MSH5: variants seen among roughly 807,000 people sequenced by gnomAD.
The protein encoded by MSH5 is mutS protein homolog 5.
A neutral mutation model predicts 107.7 loss-of-function variants in MSH5; 78 were observed. The observed-to-expected ratio is 0.72, with a 90% CI of 0.60 to 0.87. The LOEUF is 0.87. Ranked by LOEUF, MSH5 falls within the 40% of genes least tolerant of loss-of-function variation. The pLI, the probability that MSH5 is intolerant of heterozygous loss-of-function variation, is 0.00. For synonymous variants in MSH5, 326 were observed against 399.5 expected (o/e 0.82, Z 2.19); for missense variants, 889 against 1,046.6 (o/e 0.85, Z 2.08).
chr6:31,755,751 C>T (rs1168837540), intron 12 of MSH5, among the ~76,000 whole-genome samples: 1 of 152,186 alleles, frequency 6.6e-6, no homozygotes. Flanking sequence ...CTGCTTGGGC[C>T]TCCCAAAGTG....
intron 10 of MSH5, among the ~76,000 whole-genome samples, chr6:31,752,804 C>CCATTATTATGGT (rs1192052491): frequency 6.6e-6 from 1 of 151,666 alleles, no homozygotes; most frequent in Non-Finnish European, 1.5e-5. Context: ...GCAGTGTTGA[C>CCATTATTATGGT]CATTATTATG....
intron 3 of MSH5, among the ~76,000 whole-genome samples, chr6:31,742,524 C>A (rs1305546625): frequency 1.3e-5 from 2 of 152,206 alleles, no homozygotes; most frequent in African/African-American, 4.8e-5. Context: ...TCCCAAAGGG[C>A]AGGGATTATA....
Position 31,744,232 on chromosome 6 carries a change from A to G in MSH5, c.580A>G (p.Arg194Gly), listed in dbSNP as rs1426267022. ...GGLLKFLGRR[R>G]IGVELEDYNV... Reference sequence around the variant, plus strand: ...GCTGCTGAAGTTCCTGGGTCGAAGAAGAATCGGGGTTGAACTGGAAGACTA... The same window carrying G: ...GCTGCTGAAGTTCCTGGGTCGAAGAGGAATCGGGGTTGAACTGGAAGACTA... The change falls in exon 7 of 25, where the codon AGA becomes GGA. Residue 194 changes from arginine to glycine, a missense_variant. Transcript: ENST00000375750. 1.1e-5 allele frequency: 17 copies of G among 1,613,988 alleles called. No individual in the cohort carries two copies. Among genetic ancestry groups the G allele is most frequent in the Non-Finnish European group, 1.4e-5 (17 of 1,180,002 alleles).
In MSH5 at chr6:31,760,357, T is replaced by C; in HGVS notation, c.1812+141T>C. Reference sequence around the variant, plus strand: ...ATGAAAGGACCATCACCCACATCCCTGTGCTTCCACCTCACATGTTCTTAT... The same window carrying C: ...ATGAAAGGACCATCACCCACATCCCCGTGCTTCCACCTCACATGTTCTTAT... On this transcript the variant is annotated intron_variant, in intron 19 of 24. Transcript: ENST00000375750. The surrounding 1 kb of genome is among the most constrained non-coding windows in gnomAD (Gnocchi z 5.6). 8.3e-7 allele frequency: 1 copy of C among 1,207,414 alleles called. No individual in the cohort carries two copies. Among genetic ancestry groups the C allele is most frequent in the Non-Finnish European group, 1.1e-6 (1 of 877,112 alleles). The allele number at this position is 1,207,414 out of a possible 1,614,324, so 74.8% of individuals were successfully genotyped here. A position where few individuals can be genotyped will look rare whatever the true frequency, so the allele number is the denominator to read the frequency against.
Position 31,760,136 on chromosome 6 carries a change from A to G in MSH5, c.1732A>G (p.Thr578Ala). 2 of 1,610,854 alleles carry G rather than the reference A, an allele frequency of 1.2e-6. No homozygotes were observed. The highest frequency in any genetic ancestry group is 4.5e-5 in the East Asian group (2 of 44,870). The change falls in exon 19 of 25, where the codon ACA becomes GCA. Residue 578 changes from threonine (T) to alanine (A), a missense_variant. This residue lies in a region of MSH5 where 362 missense variants were observed against 456.2 expected (regional missense o/e 0.79). Transcript: ENST00000375750. The surrounding 1 kb of genome is among the most constrained non-coding windows in gnomAD (Gnocchi z 5.6). ...TGCCCGAACCTTTGTGCCCAACTCCACAGAATGTGGTGGGGACAAAGGGAG... is the reference window on the plus strand; with the variant it reads ...TGCCCGAACCTTTGTGCCCAACTCCGCAGAATGTGGTGGGGACAAAGGGAG... ...LCARTFVPNS[T>A]ECGGDKGRVK...
intron 5 of MSH5, chr6:31,743,623 T>C: frequency 2.0e-6 from 1 of 507,376 alleles, no homozygotes; most frequent in Non-Finnish European, 3.4e-6. Flanking sequence ...AATACCATTA[T>C]TTTGACCAAA....
At position 31,760,274 on chromosome 6, in the gene MSH5, A is replaced by C. The variant is rs1810872176; in HGVS notation, c.1812+58A>C. 6.6e-7 allele frequency: 1 copy of C among 1,518,784 alleles called. No homozygotes were observed. The highest frequency in any genetic ancestry group is 8.8e-7 in the Non-Finnish European group (1 of 1,137,466). 94.1% of individuals were successfully genotyped at this position (1,518,784 alleles called of 1,614,324 possible). On this transcript the variant is annotated intron_variant, in intron 19 of 24. Coordinates refer to ENST00000375750, the MANE Select transcript of MSH5 (RefSeq NM_172166.4). The surrounding 1 kb of genome is among the most constrained non-coding windows in gnomAD (Gnocchi z 5.6). ...CGTCTCCTGCATCTACTCCACCCCTACTTGCCAGCCAACTCAGGCTCCTGC... is the reference window on the plus strand; with the variant it reads ...CGTCTCCTGCATCTACTCCACCCCTCCTTGCCAGCCAACTCAGGCTCCTGC...
rs372570974 is a variant in MSH5 at position 31,759,503 on chromosome 6, G to A, written c.1486G>A (p.Glu496Lys). 15 of 1,612,400 alleles carry A rather than the reference G, an allele frequency of 9.3e-6. No individual in the cohort carries two copies. Among genetic ancestry groups the A allele is most frequent in the African/African-American group, 2.7e-5 (2 of 74,868 alleles). The change falls in exon 17 of 25, where the codon GAG becomes AAG. Residue 496 changes from glutamate to lysine, a missense_variant. Glu to Lys is a moderately conservative substitution (Grantham distance 56). Around this residue, in one of 3 missense-constraint regions of MSH5, gnomAD observed 362 missense variants for 456.2 expected, o/e 0.79. Coordinates refer to ENST00000375750, the MANE Select transcript of MSH5 (RefSeq NM_172166.4). The surrounding 1 kb of genome is among the most constrained non-coding windows in gnomAD (Gnocchi z 4.7). ...TGCATTGCTGGGGGACCTGCACTGCGAGATCCGGGGTGAGGAAAAGCCAGA... is the reference window on the plus strand; with the variant it reads ...TGCATTGCTGGGGGACCTGCACTGCAAGATCCGGGGTGAGGAAAAGCCAGA... ...LDALLGDLHC[E>K]IRDQETLLMY... is the part of the protein sequence containing the mutation.
intron 9 of MSH5, 48 bp from the exon 10 acceptor site, chr6:31,747,339 C>G: frequency 6.3e-7 from 1 of 1,599,232 alleles, no homozygotes; most frequent in South Asian, 1.1e-5. Flanking sequence ...CATTCCATTC[C>G]CTGTCCCTGC....
At position 31,755,614 on chromosome 6, in the gene MSH5, G is replaced by A. The variant is rs572019738; in HGVS notation, c.1014+1985G>A. Among the ~76,000 whole-genome samples, 25 of 152,090 alleles carry A rather than the reference G, an allele frequency of 1.6e-4. No individual in the cohort carries two copies. The East Asian group carries it at 4.3e-3, about 26-fold the overall frequency. The stretch of plus-strand genomic sequence containing the variant: ...CGACCTCAGATGATCTGCCTGCCCC[G>A]GCCTCCCAAAGTGCTGGGATTACAG... On this transcript the variant is annotated intron_variant, in intron 12 of 24. Coordinates refer to ENST00000375750, the MANE Select transcript of MSH5 (RefSeq NM_172166.4).
chr6:31,759,248 T>A lies in MSH5; in HGVS notation c.1407+71T>A. 1 of 1,442,934 alleles carries A rather than the reference T, an allele frequency of 6.9e-7. No homozygotes were observed. The highest frequency in any genetic ancestry group is 9.7e-7 in the Non-Finnish European group (1 of 1,026,310). 89.4% of individuals were successfully genotyped at this position (1,442,934 alleles called of 1,614,324 possible). A position where few individuals can be genotyped will look rare whatever the true frequency, so the allele number is the denominator to read the frequency against. On this transcript the variant is annotated intron_variant, in intron 16 of 24. Coordinates refer to ENST00000375750, the MANE Select transcript of MSH5 (RefSeq NM_172166.4). This position sits in a 1 kb window ranked among gnomAD's most constrained non-coding sequence, Gnocchi z 4.7. ...CAGCAGCTGAGGAAGAGCGTTACTC[T>A]ACAGCAGCACTGCCCAATATGGGAT...
Position 31,759,739 on chromosome 6 carries a change from CTTT to C in MSH5, c.1496-46_1496-44del. The C allele has an allele frequency of 6.3e-7, 1 of 1,598,294 alleles. No homozygotes were observed. On this transcript the variant is annotated intron_variant, in intron 17 of 24. Transcript: ENST00000375750. The surrounding 1 kb of genome is among the most constrained non-coding windows in gnomAD (Gnocchi z 4.7). ...CCTAGGGGCCTCTGCCTCTCCTTCA[CTTT>C]CCCCTGGAACTGACCTCCAGCTCCC...
At position 31,760,553 on chromosome 6, in the gene MSH5, A is replaced by T. The variant is rs1391815648; in HGVS notation, c.1813-137A>T. ...TGGTCAGGATTCGGGGAGGAGAGAC[A>T]GAGTCAGTGTGTCTGTTACCTATTT... On this transcript the variant is annotated intron_variant, in intron 19 of 24. Coordinates refer to ENST00000375750, the MANE Select transcript of MSH5 (RefSeq NM_172166.4). This position sits in a 1 kb window ranked among gnomAD's most constrained non-coding sequence, Gnocchi z 5.6. 11 of 1,163,038 alleles carry T rather than the reference A, an allele frequency of 9.5e-6. No individual in the cohort carries two copies. The highest frequency in any genetic ancestry group is 1.5e-5 in the African/African-American group (1 of 65,728). The allele number at this position is 1,163,038 out of a possible 1,614,324, so 72.0% of individuals were successfully genotyped here.
chr6:31,744,164 C>T (rs747284710), intron 6 of MSH5, 26 bp from the exon 7 acceptor site: 38 of 1,600,506 alleles, frequency 2.4e-5, no homozygotes, highest in South Asian at 3.4e-5. Flanking sequence ...AGATTTACCC[C>T]GATTCCACTG....
At chr6:31,741,918 G>C (rs543103410) in intron 3 of MSH5, among the ~76,000 whole-genome samples, 160 of 152,180 alleles carry the variant, frequency 1.1e-3, no homozygotes, top group Non-Finnish European at 2.1e-3. Flanking sequence ...GAAGAAGCAA[G>C]GGGGAGGGAG....
intron 10 of MSH5, among the ~76,000 whole-genome samples, chr6:31,750,776 A>T (rs1191814860): frequency 6.6e-6 from 1 of 152,194 alleles, no homozygotes; most frequent in African/African-American, 2.4e-5. Context: ...AACCCAAAGT[A>T]ACTGGCCACA....
At chr6:31,756,545 A>G (rs1357528195) in intron 12 of MSH5, 1 of 152,226 alleles carries the variant, frequency 6.6e-6, no homozygotes, top group Admixed American at 6.5e-5. Flanking sequence ...ATTAGCCAGA[A>G]ATTTCTGTAA....
chr6:31,742,865 TCTC>T lies in MSH5; in HGVS notation c.272-9_272-7del, dbSNP rs766441430. On this transcript the variant is annotated splice_polypyrimidine_tract_variant and intron_variant, in intron 3 of 24. Transcript: ENST00000375750. ...ATCCTTTAACTCATTTGATCTCTGT[TCTC>T]CTTCCAAGTTCTGGATGAGATCAAT... 1.4e-4 allele frequency: 226 copies of T among 1,612,598 alleles called. No homozygotes were observed. The highest frequency in any genetic ancestry group is 1.9e-4 in the Non-Finnish European group (219 of 1,179,712).
At position 31,759,037 on chromosome 6, in the gene MSH5, G is replaced by A. The variant is rs1305080955; in HGVS notation, c.1327-60G>A. On this transcript the variant is annotated intron_variant, in intron 15 of 24. Transcript: ENST00000375750. This position sits in a 1 kb window ranked among gnomAD's most constrained non-coding sequence, Gnocchi z 4.7. ...ATCTTTTAAGCTCCCTCTAGGGTGG[G>A]GAGGTGTCCAGTAAGTCTCCAAGCA... The A allele has an allele frequency of 6.6e-7, 1 of 1,513,214 alleles. No homozygotes were observed. Among genetic ancestry groups the A allele is most frequent in the Non-Finnish European group, 9.2e-7 (1 of 1,089,432 alleles). 93.7% of individuals were successfully genotyped at this position (1,513,214 alleles called of 1,614,324 possible). A position where few individuals can be genotyped will look rare whatever the true frequency, so the allele number is the denominator to read the frequency against.
Sources: gnomAD v4.1 joint callset for allele counts (sites outside exome capture counted in the v4.1 genomes callset) on GRCh38, gnomAD v4.1.1 for gene constraint, gnomAD v4.1.1 regional missense constraint, Gnocchi (gnomAD v3.1) non-coding constraint, MANE v1.5 for transcripts, NCBI Gene and HGNC (gene_info 2026-07-23, HGNC 2026-07-21) for gene names.